PCDHA10: variants seen among roughly 807,000 people sequenced by gnomAD.
PCDHA10 encodes the protein protocadherin alpha 10.
Under a neutral mutation model 61.2 loss-of-function variants are expected in PCDHA10, and 45 were observed. The observed-to-expected ratio is 0.74, with a 90% confidence interval of 0.58 to 0.94. PCDHA10 has a LOEUF of 0.94. Ranked by LOEUF, PCDHA10 falls within the 40% of genes least tolerant of loss-of-function variation. PCDHA10 has a pLI of 0.00. For missense variants in PCDHA10, 1,278 were observed against 1,236.2 expected (o/e 1.03, Z -0.51); for synonymous variants, 602 against 548.8 (o/e 1.10, Z -1.35).
chr5:140,938,810 C>G (rs1182517488), intron 1 of PCDHA10, among the ~76,000 whole-genome samples: 1 of 152,030 alleles, frequency 6.6e-6, no homozygotes, highest in Non-Finnish European at 1.5e-5. Context: ...ACCACAAACC[C>G]CTGTGACATG....
At chr5:140,969,363 C>G (rs367871893) in intron 1 of PCDHA10, 4 of 1,610,614 alleles carry the variant, frequency 2.5e-6, no homozygotes, top group East Asian at 4.5e-5. Flanking sequence ...CTTCTACAAA[C>G]TCATGCATTT....
intron 3 of PCDHA10, among the ~76,000 whole-genome samples, chr5:141,005,089 A>G (rs1554259886): frequency 6.6e-6 from 1 of 152,244 alleles, no homozygotes; most frequent in East Asian, 1.9e-4. Context: ...TTAGTACTTT[A>G]CATGCATTAC....
rs1160932490 is a variant in PCDHA10 at position 140,857,948 on chromosome 5, C to A, written c.1900C>A (p.Arg634Ser). 4.4e-6 allele frequency: 7 copies of A among 1,597,438 alleles called. 1 individual carries two copies. Among genetic ancestry groups the A allele is most frequent in the Non-Finnish European group, 6.0e-6 (7 of 1,167,420 alleles). Residue 634 changes from arginine (R) to serine (S), a missense_variant, in exon 1 of 4, where the codon CGC becomes AGC. Transcript: ENST00000307360. Reference protein sequence around the residue: ...GLYTGEISTTRALDETDSPRQ... With the variant: ...GLYTGEISTTSALDETDSPRQ... ...GTACACGGGCGAGATCAGTACGACG[C>A]GCGCTCTGGATGAGACTGACTCGCC...
In PCDHA10 at chr5:140,945,865, A is replaced by T. The variant is rs184952981; in HGVS notation, c.2389-33084A>T. ...ATTAAAGACTTAAACATAGACCTGAAATTGTAAAACTAACAAAGAAAACAC... is the reference window on the plus strand; with the variant it reads ...ATTAAAGACTTAAACATAGACCTGATATTGTAAAACTAACAAAGAAAACAC... On this transcript the variant is annotated intron_variant, in intron 1 of 3. Coordinates refer to ENST00000307360, the MANE Select transcript of PCDHA10 (RefSeq NM_018901.4). Among the ~76,000 whole-genome samples, 23 of 152,290 alleles carry T rather than the reference A, an allele frequency of 1.5e-4. No individual in the cohort carries two copies. The East Asian group carries it at 4.2e-3, about 28-fold the overall frequency.
intron 1 of PCDHA10, among the ~76,000 whole-genome samples, chr5:140,908,825 G>A (rs1554193511): frequency 1.3e-5 from 2 of 152,252 alleles, no homozygotes; most frequent in South Asian, 2.1e-4. Flanking sequence ...TGGGTTACTC[G>A]ATAAATGGGC....
chr5:140,915,681 G>C (rs1261107431), intron 1 of PCDHA10, among the ~76,000 whole-genome samples: 1 of 151,116 alleles, frequency 6.6e-6, no homozygotes, highest in Non-Finnish European at 1.5e-5. Context: ...TCTTGAACTA[G>C]GGGTATGGTG....
chr5:140,951,716 C>T (rs2094623458), intron 1 of PCDHA10, among the ~76,000 whole-genome samples: 1 of 152,102 alleles, frequency 6.6e-6, no homozygotes, highest in South Asian at 2.1e-4. Flanking sequence ...GGACACAGAT[C>T]CAAACCATGT....
intron 3 of PCDHA10, chr5:140,988,853 A>G (rs1216953693): frequency 1.3e-5 from 2 of 152,208 alleles, no homozygotes; most frequent in Non-Finnish European, 2.9e-5. Flanking sequence ...AAACCTATCC[A>G]GTCTCATGTG....
intron 1 of PCDHA10, chr5:140,867,978 C>T (rs1283630691): frequency 6.6e-6 from 1 of 152,064 alleles, no homozygotes; most frequent in East Asian, 1.9e-4. Flanking sequence ...CAACAAGAAA[C>T]AAACTATTTT....
intron 3 of PCDHA10, among the ~76,000 whole-genome samples, chr5:140,985,205 G>C (rs1554246849): frequency 6.6e-6 from 1 of 152,092 alleles, no homozygotes; most frequent in African/African-American, 2.4e-5. Flanking sequence ...CCAAAGTGTT[G>C]GGATTACAGG....
At chr5:140,911,283 A>G (rs906069835) in intron 1 of PCDHA10, among the ~76,000 whole-genome samples, 1 of 152,278 alleles carries the variant, frequency 6.6e-6, no homozygotes, top group Non-Finnish European at 1.5e-5. Context: ...CAGCTTCATC[A>G]GGGTCCTTTT....
intron 1 of PCDHA10, chr5:140,883,054 C>T: frequency 6.2e-7 from 1 of 1,614,072 alleles, no homozygotes; most frequent in South Asian, 1.1e-5. Context: ...CATTAGTGAT[C>T]AAGCTAAATG....
chr5:140,913,942 T>A (rs1489221369), intron 1 of PCDHA10, among the ~76,000 whole-genome samples: 10 of 152,198 alleles, frequency 6.6e-5, no homozygotes, highest in African/African-American at 2.4e-4. Flanking sequence ...GAGAAGAATC[T>A]TGATATGATA....
At chr5:140,882,982 C>A (rs139888237) in intron 1 of PCDHA10, 2 of 1,614,148 alleles carry the variant, frequency 1.2e-6, no homozygotes, top group South Asian at 1.1e-5. Flanking sequence ...TGAATGACAA[C>A]GCCCCGGAAT....
chr5:140,883,881 G>A (rs782379771), intron 1 of PCDHA10: 13 of 1,613,320 alleles, frequency 8.1e-6, no homozygotes, highest in Non-Finnish European at 1.1e-5. Flanking sequence ...GTGAGCGCGC[G>A]CGACTCTGGC....
At chr5:140,967,669 G>T (rs782398219) in intron 1 of PCDHA10, 1 of 1,614,126 alleles carries the variant, frequency 6.2e-7, no homozygotes, top group Non-Finnish European at 8.5e-7. Context: ...GCTACACGTC[G>T]GACCGGGAGA....
At chr5:140,895,026 A>G (rs549013601) in intron 1 of PCDHA10, among the ~76,000 whole-genome samples, 5 of 152,096 alleles carry the variant, frequency 3.3e-5, no homozygotes, top group African/African-American at 1.2e-4. Flanking sequence ...CCTTTGTTTA[A>G]TTGTCCCCCA....
intron 1 of PCDHA10, among the ~76,000 whole-genome samples, chr5:140,941,907 CT>C (rs1379926904): frequency 7.2e-5 from 11 of 152,106 alleles, no homozygotes; most frequent in African/African-American, 2.7e-4. Context: ...CATTGAAATG[CT>C]TTTATGTATA....
At chr5:140,911,589 C>A (rs1583792136) in intron 1 of PCDHA10, among the ~76,000 whole-genome samples, 1 of 152,302 alleles carries the variant, frequency 6.6e-6, no homozygotes, top group Middle Eastern at 3.4e-3. Flanking sequence ...TTAGGAGGAA[C>A]CAACCAACTT....
Sources: gnomAD v4.1 joint callset for allele counts (sites outside exome capture counted in the v4.1 genomes callset) on GRCh38, gnomAD v4.1.1 for gene constraint, MANE v1.5 for transcripts, NCBI Gene and HGNC (gene_info 2026-07-23, HGNC 2026-07-21) for gene names.